DGKB: variants seen among roughly 807,000 people sequenced by gnomAD.
DGKB encodes 90 kDa diacylglycerol kinase.
In DGKB, 67 loss-of-function variants were observed where a neutral mutation model predicts 114.3. The ratio of observed to expected loss-of-function variants is 0.59; its 90% CI spans 0.48 to 0.72. The LOEUF is 0.72. Ranked by LOEUF, DGKB falls within the 30% of genes least tolerant of loss-of-function variation. DGKB has a pLI of 0.00. For synonymous variants in DGKB, 398 were observed against 323.1 expected, an observed-to-expected ratio of 1.23 and a Z score of -2.49; for missense variants, 907 against 975.2, an observed-to-expected ratio of 0.93 and a Z score of 0.93.
chr7:14,730,805 A>C (rs1431505618), intron 5 of DGKB, among the ~76,000 whole-genome samples: 1 of 152,190 alleles, frequency 6.6e-6, no homozygotes, highest in African/African-American at 2.4e-5. Flanking sequence ...CCTTCACTAA[A>C]GCAACTCTGC....
intron 23 of DGKB, among the ~76,000 whole-genome samples, chr7:14,225,598 G>A (rs1790674115): frequency 6.6e-6 from 1 of 151,872 alleles, no homozygotes; most frequent in African/African-American, 2.4e-5. Context: ...ATGTGGCTAA[G>A]GCCACATAAG....
intron 22 of DGKB, among the ~76,000 whole-genome samples, chr7:14,342,111 G>T (rs1811701268): frequency 6.6e-6 from 1 of 151,706 alleles, no homozygotes; most frequent in South Asian, 2.1e-4. Flanking sequence ...ATTGTCTTTT[G>T]AATCCTGCTA....
chr7:14,685,491 C>T, intron 9 of DGKB, 129 bp from the exon 10 acceptor site: 1 of 674,000 alleles, frequency 1.5e-6, no homozygotes, highest in Non-Finnish European at 2.6e-6. Flanking sequence ...TGACTTTCTC[C>T]AAGATCACCG....
chr7:14,930,231 A>T (rs374659583), intron 1 of DGKB, among the ~76,000 whole-genome samples: 1 of 152,110 alleles, frequency 6.6e-6, no homozygotes, highest in Non-Finnish European at 1.5e-5. Context: ...TATGAATTTT[A>T]GGATTTTTTT....
At chr7:14,501,602 C>A (rs1056596665) in intron 20 of DGKB, among the ~76,000 whole-genome samples, 23 of 151,950 alleles carry the variant, frequency 1.5e-4, no homozygotes, top group Admixed American at 1.5e-3. Flanking sequence ...CTCAGAGAAT[C>A]ATCTCCAGGA....
chr7:14,505,759 T>C (rs1264284254), intron 20 of DGKB, among the ~76,000 whole-genome samples: 2 of 152,186 alleles, frequency 1.3e-5, no homozygotes, highest in Non-Finnish European at 1.5e-5. Context: ...CAATACAAAA[T>C]GTGAATGACG....
At chr7:14,482,176 C>G (rs1783079755) in intron 20 of DGKB, among the ~76,000 whole-genome samples, 1 of 151,914 alleles carries the variant, frequency 6.6e-6, no homozygotes, top group African/African-American at 2.4e-5. Flanking sequence ...CTTTGAAGAT[C>G]TGGTGTTCTA....
chr7:14,638,408 T>C (rs1364630379), intron 13 of DGKB, among the ~76,000 whole-genome samples: 1 of 152,176 alleles, frequency 6.6e-6, no homozygotes, highest in Non-Finnish European at 1.5e-5. Flanking sequence ...AAACCAAGCC[T>C]CCTTGTTATA....
chr7:14,542,128 G>A (rs143936313), intron 20 of DGKB, among the ~76,000 whole-genome samples: 3 of 151,630 alleles, frequency 2.0e-5, no homozygotes, highest in East Asian at 3.9e-4. Flanking sequence ...GGTTCCTCAT[G>A]GGCCATTCTT....
intron 25 of DGKB, among the ~76,000 whole-genome samples, chr7:14,169,364 C>CAAAAAAAAAAA (rs35418998): frequency 9.2e-5 from 6 of 65,292 alleles, no homozygotes; most frequent in Admixed American, 1.8e-4. Context: ...GACTCCGTCT[C>CAAAAAAAAAAA]AAAAAAAAAA....
chr7:14,208,317 C>T (rs937976791), intron 23 of DGKB, among the ~76,000 whole-genome samples: 5 of 151,878 alleles, frequency 3.3e-5, no homozygotes, highest in Non-Finnish European at 7.4e-5. Flanking sequence ...GACTAGTATT[C>T]GGGTTTTTAA....
intron 20 of DGKB, among the ~76,000 whole-genome samples, chr7:14,488,075 C>T (rs1470550261): frequency 6.6e-6 from 1 of 152,082 alleles, no homozygotes; most frequent in African/African-American, 2.4e-5. Context: ...CCCATGACTA[C>T]AGCTAGGGAA....
intron 23 of DGKB, among the ~76,000 whole-genome samples, chr7:14,278,917 C>G (rs1584896323): frequency 1.3e-5 from 2 of 152,112 alleles, no homozygotes; most frequent in East Asian, 3.9e-4. Flanking sequence ...TCTACAGCTC[C>G]CAGCCTGAGC....
At chr7:14,623,485 A>T (rs1808018647) in intron 14 of DGKB, among the ~76,000 whole-genome samples, 1 of 152,190 alleles carries the variant, frequency 6.6e-6, no homozygotes, top group Non-Finnish European at 1.5e-5. Context: ...CAAGCATTGA[A>T]TTTATTCCTA....
intron 21 of DGKB, among the ~76,000 whole-genome samples, chr7:14,437,791 C>T (rs1375398514): frequency 6.7e-6 from 1 of 149,952 alleles, no homozygotes; most frequent in East Asian, 1.9e-4. Context: ...AGGGTTATCT[C>T]GTAAGCCCTT....
In DGKB at chr7:14,409,598, T is replaced by G. The variant is rs1479834983; in HGVS notation, c.1836-64207A>C. 2.7e-4 allele frequency among the ~76,000 whole-genome samples: 13 copies of G among 48,428 alleles called. 5 individuals are homozygous for G. Among genetic ancestry groups the G allele is most frequent in the African/African-American group, 7.6e-4 (13 of 17,106 alleles). 31.8% of individuals were successfully genotyped at this position (48,428 alleles called of 152,430 possible). A position where few individuals can be genotyped will look rare whatever the true frequency, so the allele number is the denominator to read the frequency against. Reference sequence around the variant, plus strand: ...GGCGGGCGCCTGTAGTCCCAGCTACTCGGGAGGCTGAGGCAGGAGAATGGC... The same window carrying G: ...GGCGGGCGCCTGTAGTCCCAGCTACGCGGGAGGCTGAGGCAGGAGAATGGC... On this transcript the variant is annotated intron_variant, in intron 21 of 25. Coordinates refer to ENST00000402815, the MANE Select transcript of DGKB (RefSeq NM_001350709.2).
At chr7:14,359,609 G>C (rs1290407107) in intron 21 of DGKB, among the ~76,000 whole-genome samples, 1 of 151,358 alleles carries the variant, frequency 6.6e-6, no homozygotes. Flanking sequence ...AGAACTTAAA[G>C]AAATTTTCAA....
At chr7:14,538,464 T>C (rs1792896690) in intron 20 of DGKB, among the ~76,000 whole-genome samples, 1 of 152,112 alleles carries the variant, frequency 6.6e-6, no homozygotes. Flanking sequence ...AGGATGGCTA[T>C]CACCCAAAAA....
intron 20 of DGKB, among the ~76,000 whole-genome samples, chr7:14,532,200 TA>T (rs1304396195): frequency 1.4e-5 from 2 of 147,804 alleles, no homozygotes; most frequent in East Asian, 4.0e-4. Flanking sequence ...AAAAATAAAT[TA>T]AACTTCACAA....
Sources: allele counts gnomAD v4.1 joint callset (sites outside exome capture counted in the v4.1 genomes callset), GRCh38; gene constraint gnomAD v4.1.1; transcripts MANE v1.5; gene names NCBI Gene and HGNC (gene_info 2026-07-23, HGNC 2026-07-21).